Variants in UBAC2 observed in about 807,000 individuals in gnomAD.
UBAC2 encodes ubiquitin-associated domain-containing protein 2.
A neutral mutation model predicts 44.0 loss-of-function variants in UBAC2; 26 were observed. The ratio of observed to expected loss-of-function variants is 0.59; its 90% CI spans 0.43 to 0.82. The LOEUF (loss-of-function observed/expected upper bound fraction) is 0.82, where lower values mean the gene tolerates loss of function less well. Among genes scored for constraint, UBAC2 ranks in the 40% least tolerant of loss-of-function variants. The pLI, the probability that UBAC2 is intolerant of heterozygous loss-of-function variation, is 0.00. For synonymous variants in UBAC2, 155 were observed against 154.3 expected (o/e 1.00, Z -0.04); for missense variants, 329 against 419.4 (o/e 0.78, Z 1.88).
chr13:99,226,086 T>C (rs1237287931), intron 1 of UBAC2, among the ~76,000 whole-genome samples: 1 of 152,188 alleles, frequency 6.6e-6, no homozygotes, highest in Non-Finnish European at 1.5e-5. Flanking sequence ...GATTCACATT[T>C]GGCACAAACT....
rs1440024569 is a variant in UBAC2, at chr13:99,295,063, C to T, written c.390-19034C>T. ...ATAAACCAAAATACAATCCATTTCACTTTCCATTTGAAGACTTGGAATGTA... is the reference window on the plus strand; with the variant it reads ...ATAAACCAAAATACAATCCATTTCATTTTCCATTTGAAGACTTGGAATGTA... On this transcript the variant is annotated intron_variant, in intron 4 of 8. Coordinates refer to ENST00000403766, the MANE Select transcript of UBAC2 (RefSeq NM_001144072.2). This position sits in a 1 kb window ranked among gnomAD's most constrained non-coding sequence, Gnocchi z 4.1. 1.1e-5 allele frequency: 18 copies of T among 1,612,344 alleles called. No individual in the cohort carries two copies. The highest frequency in any genetic ancestry group is 1.5e-5 in the Non-Finnish European group (18 of 1,179,164).
At chr13:99,296,008 G>A (rs771815746) in intron 4 of UBAC2, 11 of 1,613,588 alleles carry the variant, frequency 6.8e-6, no homozygotes, top group East Asian at 6.7e-5. Context: ...AGTTTCCCAC[G>A]AGCCCAATGA....
intron 4 of UBAC2, among the ~76,000 whole-genome samples, chr13:99,301,747 C>T (rs1350504028): frequency 6.6e-6 from 1 of 152,188 alleles, no homozygotes; most frequent in East Asian, 1.9e-4. Context: ...AGGACATGTA[C>T]CTTCCATGGT....
Position 99,266,806 on chromosome 13 carries a change from G to C in UBAC2, c.389+22182G>C, listed in dbSNP as rs527916448. ...CCTCCAGGACATTTTCATCTTCCCA[G>C]ACTGAAAGCCTGTACCCATCATACA... is the stretch of plus-strand genomic sequence containing the variant. On this transcript the variant is annotated intron_variant, in intron 4 of 8. Coordinates refer to ENST00000403766, the MANE Select transcript of UBAC2 (RefSeq NM_001144072.2). Among the ~76,000 whole-genome samples, 8 of 152,268 alleles carry C rather than the reference G, an allele frequency of 5.3e-5. No homozygotes were observed. The East Asian group carries it at 9.6e-4, about 18-fold the overall frequency.
intron 7 of UBAC2, among the ~76,000 whole-genome samples, chr13:99,341,117 T>A (rs1452590918): frequency 6.6e-6 from 1 of 152,248 alleles, no homozygotes; most frequent in Non-Finnish European, 1.5e-5. Flanking sequence ...AATCTGATAC[T>A]ACATTTGTCT....
chr13:99,355,264 C>T (rs1368991671), intron 7 of UBAC2, among the ~76,000 whole-genome samples: 2 of 152,126 alleles, frequency 1.3e-5, no homozygotes, highest in African/African-American at 4.8e-5. Flanking sequence ...CCAAATTTGG[C>T]AGACAAAAGA....
intron 6 of UBAC2, among the ~76,000 whole-genome samples, chr13:99,328,177 TTATTG>T (rs2044666379): frequency 6.6e-6 from 1 of 152,236 alleles, no homozygotes; most frequent in Admixed American, 6.5e-5. Context: ...TTTTCATTTA[TTATTG>T]TATTAAGTAA....
chr13:99,345,563 C>G (rs1054312787), intron 7 of UBAC2, among the ~76,000 whole-genome samples: 3 of 151,990 alleles, frequency 2.0e-5, no homozygotes, highest in Admixed American at 2.0e-4. Flanking sequence ...CAAGGGGACC[C>G]ACCCAGCCCC....
intron 4 of UBAC2, chr13:99,313,074 T>A (rs9585036): frequency 0.092 from 14,025 of 152,370 alleles, 864 homozygotes; most frequent in South Asian, 0.28. Context: ...CTCTGCCTCC[T>A]GGATTCACGC....
chr13:99,255,200 TG>T, intron 4 of UBAC2: 1 of 1,614,094 alleles, frequency 6.2e-7, no homozygotes, highest in South Asian at 1.1e-5. Context: ...TCCTTGACTT[TG>T]GGTTTCAGCT....
chr13:99,316,978 A>G (rs1192673769), intron 5 of UBAC2, among the ~76,000 whole-genome samples: 3 of 152,228 alleles, frequency 2.0e-5, no homozygotes, highest in African/African-American at 7.2e-5. Context: ...ACATGGTTCC[A>G]TCCTTATTAT....
At chr13:99,379,602 G>C (rs1383680605) in intron 8 of UBAC2, among the ~76,000 whole-genome samples, 1 of 152,112 alleles carries the variant, frequency 6.6e-6, no homozygotes, top group Non-Finnish European at 1.5e-5. Context: ...TCCATCCTCG[G>C]TACATGATCA....
At chr13:99,348,656 G>C (rs925220174) in intron 7 of UBAC2, among the ~76,000 whole-genome samples, 1 of 152,240 alleles carries the variant, frequency 6.6e-6, no homozygotes, top group Non-Finnish European at 1.5e-5. Flanking sequence ...TTAAACAGGA[G>C]AGTAAGTTAG....
At chr13:99,296,075 T>C in intron 4 of UBAC2, 2 of 1,613,936 alleles carry the variant, frequency 1.2e-6, no homozygotes, top group Non-Finnish European at 1.7e-6. Flanking sequence ...GTGATGTGCA[T>C]AGAGGTCACA....
At chr13:99,245,226 A>C (rs1382881865) in intron 4 of UBAC2, among the ~76,000 whole-genome samples, 4 of 152,184 alleles carry the variant, frequency 2.6e-5, no homozygotes, top group African/African-American at 9.7e-5. Flanking sequence ...GTGTGTTTTT[A>C]TAGTGAAATT....
chr13:99,302,656 G>C (rs923111510), intron 4 of UBAC2, among the ~76,000 whole-genome samples: 1 of 152,210 alleles, frequency 6.6e-6, no homozygotes, highest in South Asian at 2.1e-4. Flanking sequence ...GATTATGGGT[G>C]TTGTTTGCCT....
Position 99,340,301 on chromosome 13 carries a change from T to G in UBAC2, c.562-19T>G. On this transcript the variant is annotated intron_variant, in intron 6 of 8. Transcript: ENST00000403766. Reference sequence around the variant, plus strand: ...ATAATACTACATTTAAACAATCACATTGGACGTTTTTCTTCTAGATGTCCG... The same window carrying G: ...ATAATACTACATTTAAACAATCACAGTGGACGTTTTTCTTCTAGATGTCCG... 4 of 1,600,678 alleles carry G rather than the reference T, an allele frequency of 2.5e-6. No homozygotes were observed. Among genetic ancestry groups the G allele is most frequent in the Non-Finnish European group, 3.4e-6 (4 of 1,171,294 alleles).
At chr13:99,327,246 T>TA (rs1315499041) in intron 6 of UBAC2, among the ~76,000 whole-genome samples, 7 of 152,168 alleles carry the variant, frequency 4.6e-5, no homozygotes, top group African/African-American at 1.7e-4. Flanking sequence ...ATTAGGCTGG[T>TA]ATAGTAGTGT....
chr13:99,331,360 C>G (rs2044713836), intron 6 of UBAC2, among the ~76,000 whole-genome samples: 3 of 152,192 alleles, frequency 2.0e-5, no homozygotes, highest in South Asian at 4.1e-4. Context: ...CATAGTTGAC[C>G]TAATCCTCCT....
Sources: allele counts gnomAD v4.1 joint callset (sites outside exome capture counted in the v4.1 genomes callset), GRCh38; gene constraint gnomAD v4.1.1; non-coding constraint Gnocchi (gnomAD v3.1); transcripts MANE v1.5; gene names NCBI Gene and HGNC (gene_info 2026-07-23, HGNC 2026-07-21).